Variants in LMBR1 observed in about 807,000 individuals in gnomAD.
The protein encoded by LMBR1 is limb development membrane protein 1, also known as limb region 1 protein homolog.
A neutral mutation model predicts 73.9 loss-of-function variants in LMBR1; 52 were observed. The ratio of observed to expected loss-of-function variants is 0.70; its 90% CI spans 0.56 to 0.89. The LOEUF (loss-of-function observed/expected upper bound fraction) is 0.89, where lower values mean the gene tolerates loss of function less well. LMBR1 is among the 40% of genes least tolerant of loss of function. The pLI is 0.00. For synonymous variants in LMBR1, 215 were observed against 209.4 expected, an observed-to-expected ratio of 1.03 and a Z score of -0.23; for missense variants, 539 against 579.8, an observed-to-expected ratio of 0.93 and a Z score of 0.72.
intron 4 of LMBR1, among the ~76,000 whole-genome samples, chr7:156,813,604 C>T (rs969971412): frequency 4.6e-5 from 7 of 152,120 alleles, no homozygotes; most frequent in Non-Finnish European, 7.4e-5. Context: ...CTAACTATTC[C>T]AGTATACATT....
In LMBR1 at chr7:156,763,756, G is replaced by A; in HGVS notation, c.463C>T (p.Leu155Phe). ...CCAAGAATGAGTAACGCAAGAAGAA[G>A]AAGCATGACCAAAGTCTCTAAAATG... is the stretch of plus-strand genomic sequence containing the variant. ...ARILETLVMLLLLALLILGIV... is the reference protein window; with the variant it reads ...ARILETLVMLFLLALLILGIV... The change falls in exon 6 of 17, where the codon CTT (leucine) becomes TTT (phenylalanine). Residue 155 changes from leucine (L) to phenylalanine (F), a missense_variant. Physicochemically the swap from Leu to Phe is conservative, Grantham distance 22. Transcript: ENST00000353442. The A allele has an allele frequency of 1.9e-6, 3 of 1,604,462 alleles. No individual in the cohort carries two copies. The highest frequency in any genetic ancestry group is 4.5e-5 in the East Asian group (2 of 44,078).
At chr7:156,735,075 T>G (rs567133321) in intron 9 of LMBR1, among the ~76,000 whole-genome samples, 104 of 152,344 alleles carry the variant, frequency 6.8e-4, no homozygotes, top group African/African-American at 2.4e-3. Context: ...GAAACAGTGT[T>G]GCAATAAACA....
At chr7:156,768,917 G>A (rs1367040385) in intron 5 of LMBR1, among the ~76,000 whole-genome samples, 1 of 152,144 alleles carries the variant, frequency 6.6e-6, no homozygotes, top group Non-Finnish European at 1.5e-5. Flanking sequence ...GGCAGTGGCA[G>A]GCAGGAGAGG....
chr7:156,796,305 T>C, intron 5 of LMBR1, 84 bp downstream of exon 5: 1 of 843,522 alleles, frequency 1.2e-6, no homozygotes, highest in Non-Finnish European at 1.8e-6. Context: ...ATTTAAATAA[T>C]TTAAGTCTGC....
chr7:156,844,881 C>T (rs1447793049), intron 1 of LMBR1, among the ~76,000 whole-genome samples: 1 of 152,180 alleles, frequency 6.6e-6, no homozygotes, highest in African/African-American at 2.4e-5. Flanking sequence ...TCATAAGTAA[C>T]TGAATAGTAC....
chr7:156,746,112 G>A (rs536227607), intron 9 of LMBR1, among the ~76,000 whole-genome samples: 1 of 152,236 alleles, frequency 6.6e-6, no homozygotes, highest in South Asian at 2.1e-4. Flanking sequence ...GTTTTCAGGT[G>A]TCTTTGAATC....
At chr7:156,884,101 T>A (rs984770154) in intron 1 of LMBR1, among the ~76,000 whole-genome samples, 2 of 152,248 alleles carry the variant, frequency 1.3e-5, no homozygotes, top group African/African-American at 4.8e-5. Context: ...TCACTTCAAC[T>A]TATGTTGGCT....
intron 4 of LMBR1, among the ~76,000 whole-genome samples, chr7:156,809,345 C>A (rs888296942): frequency 6.6e-6 from 1 of 152,096 alleles, no homozygotes; most frequent in Admixed American, 6.5e-5. Context: ...TGGGATTTTT[C>A]TTTTAGTACA....
chr7:156,762,619 A>G (rs1301966193), intron 7 of LMBR1, among the ~76,000 whole-genome samples: 3 of 152,256 alleles, frequency 2.0e-5, no homozygotes, highest in African/African-American at 7.2e-5. Context: ...ACATTTATCT[A>G]CTTATCCCTG....
At chr7:156,713,999 G>C (rs1335488894) in intron 15 of LMBR1, among the ~76,000 whole-genome samples, 1 of 152,200 alleles carries the variant, frequency 6.6e-6, no homozygotes, top group Non-Finnish European at 1.5e-5. Flanking sequence ...AAGTAAGTAT[G>C]TAAGACATTT....
intron 5 of LMBR1, among the ~76,000 whole-genome samples, chr7:156,766,628 C>T (rs1035238882): frequency 1.3e-5 from 2 of 152,104 alleles, no homozygotes; most frequent in African/African-American, 4.8e-5. Context: ...GGGGCCCATG[C>T]AGATTGGCTT....
chr7:156,742,543 C>T (rs967841830), intron 9 of LMBR1, among the ~76,000 whole-genome samples: 3 of 152,186 alleles, frequency 2.0e-5, no homozygotes, highest in African/African-American at 7.2e-5. Flanking sequence ...ACACATACAA[C>T]CTACCAAGAT....
At chr7:156,825,315 T>C (rs1835490006) in intron 4 of LMBR1, among the ~76,000 whole-genome samples, 1 of 152,078 alleles carries the variant, frequency 6.6e-6, no homozygotes, top group South Asian at 2.1e-4. Context: ...ATTAACAAAA[T>C]AATAATTAGT....
At position 156,670,813 on chromosome 7, in the gene LMBR1, G is replaced by T. The variant is rs533054977; in HGVS notation, n.867-1526C>A. ...CAGACAAAAAGTGTGCCACTAGAACGTCTTCGTTAAAGGAAATTCTAAAGG... is the reference window on the plus strand; with the variant it reads ...CAGACAAAAAGTGTGCCACTAGAACTTCTTCGTTAAAGGAAATTCTAAAGG... On this transcript the variant is annotated intron_variant and non_coding_transcript_variant, in intron 4 of 4. Coordinates refer to the LMBR1 transcript ENST00000430825. The surrounding 1 kb of genome is among the most constrained non-coding windows in gnomAD (Gnocchi z 4.3). Among the ~76,000 whole-genome samples, 5 of 152,210 alleles carry T rather than the reference G, an allele frequency of 3.3e-5. No homozygotes were observed. Among genetic ancestry groups the T allele is most frequent in the African/African-American group, 1.2e-4 (5 of 41,448 alleles).
chr7:156,777,701 A>G (rs774808018), intron 5 of LMBR1, among the ~76,000 whole-genome samples: 1 of 152,202 alleles, frequency 6.6e-6, no homozygotes, highest in Non-Finnish European at 1.5e-5. Context: ...GTGGCCAAGA[A>G]CCATATACAC....
At chr7:156,690,231 T>C (rs571226748) in intron 15 of LMBR1, among the ~76,000 whole-genome samples, 2 of 152,388 alleles carry the variant, frequency 1.3e-5, no homozygotes, top group Admixed American at 1.3e-4. Context: ...ATTTATAAGC[T>C]ACATATATAC....
At chr7:156,845,609 G>C (rs1839455484) in intron 1 of LMBR1, among the ~76,000 whole-genome samples, 1 of 151,934 alleles carries the variant, frequency 6.6e-6, no homozygotes. Context: ...AAAATAAACA[G>C]AGACATACCA....
Position 156,688,128 on chromosome 7 carries a change from A to G in LMBR1, c.1289T>C (p.Ile430Thr). 1.2e-6 allele frequency: 2 copies of G among 1,611,410 alleles called. No individual in the cohort carries two copies. Among genetic ancestry groups the G allele is most frequent in the Non-Finnish European group, 1.7e-6 (2 of 1,178,962 alleles). Residue 430 changes from isoleucine (I) to threonine (T), a missense_variant, in exon 16 of 17, where the codon ATT becomes ACT. Coordinates refer to ENST00000353442, the MANE Select transcript of LMBR1 (RefSeq NM_022458.4). ...AAAAAGCAAATTGTAGGATAATACA[A>G]TATAGAAATTTCCCAGCCAATTAAA... ...GRFNWLGNFYIVLSYNLLFAI... is the reference protein window; with the variant it reads ...GRFNWLGNFYTVLSYNLLFAI...
chr7:156,848,899 G>A (rs1250949828), intron 1 of LMBR1, among the ~76,000 whole-genome samples: 11 of 145,952 alleles, frequency 7.5e-5, no homozygotes, highest in Non-Finnish European at 1.0e-4. Context: ...CCATGACACC[G>A]CAGCCTGGGC....
Sources: gnomAD v4.1 joint callset for allele counts (sites outside exome capture counted in the v4.1 genomes callset) on GRCh38, gnomAD v4.1.1 for gene constraint, Gnocchi (gnomAD v3.1) non-coding constraint, MANE v1.5 for transcripts, NCBI Gene and HGNC (gene_info 2026-07-23, HGNC 2026-07-21) for gene names.